Variants in MYO1H observed in about 807,000 individuals in gnomAD.
MYO1H encodes the protein unconventional myosin-Ih.
Under a neutral mutation model 149.3 loss-of-function variants are expected in MYO1H, and 118 were observed. The observed-to-expected ratio is 0.79, with a 90% CI of 0.68 to 0.92. The LOEUF (loss-of-function observed/expected upper bound fraction) is 0.92. MYO1H is among the 40% of genes least tolerant of loss of function. The pLI, the probability that MYO1H is intolerant of heterozygous loss-of-function variation, is 0.00. For missense variants in MYO1H, 1,212 were observed against 1,280.7 expected (o/e 0.95, Z 0.82); for synonymous variants, 447 against 465.2 (o/e 0.96, Z 0.50).
chr12:109,401,056 T>C (rs1241504652), intron 5 of MYO1H, 37 bp from the exon 6 acceptor site: 4 of 1,593,970 alleles, frequency 2.5e-6, no homozygotes, highest in African/African-American at 1.3e-5. Context: ...AGTGGTTTGA[T>C]TGTTGTCACT....
At chr12:109,401,750 C>CT (rs1870171351) in intron 6 of MYO1H, among the ~76,000 whole-genome samples, 1 of 147,008 alleles carries the variant, frequency 6.8e-6, no homozygotes, top group African/African-American at 2.5e-5. Context: ...TTTTTTTTTT[C>CT]TTTTTTTGGG....
At chr12:109,317,440 A>G in the MYO1H span, among the ~76,000 whole-genome samples, 3 of 152,182 alleles carry the variant, frequency 2.0e-5, no homozygotes, top group Admixed American at 6.5e-5. Context: ...CCTAATCTCT[A>G]TTTGATTTCA....
intron 14 of MYO1H, among the ~76,000 whole-genome samples, chr12:109,415,217 C>T (rs545732106): frequency 6.6e-6 from 1 of 152,214 alleles, no homozygotes; most frequent in South Asian, 2.1e-4. Flanking sequence ...TGGCTTAGGC[C>T]TGTAATCCCA....
intron 27 of MYO1H, 123 bp downstream of exon 27, chr12:109,442,395 C>T: frequency 1.3e-6 from 1 of 741,982 alleles, no homozygotes; most frequent in East Asian, 2.6e-5. Context: ...AGCTGGGGCT[C>T]TCAACTGTGA....
chr12:109,350,820 A>C (rs1868448178), intron 1 of MYO1H, among the ~76,000 whole-genome samples: 1 of 152,228 alleles, frequency 6.6e-6, no homozygotes, highest in African/African-American at 2.4e-5. Context: ...TAAAATAATG[A>C]TAGACTCACA....
At chr12:109,321,226 G>C in the MYO1H span, among the ~76,000 whole-genome samples, 1 of 152,114 alleles carries the variant, frequency 6.6e-6, no homozygotes, top group Non-Finnish European at 1.5e-5. Flanking sequence ...GTCTAAACCA[G>C]CCAGGGATTC....
chr12:109,412,294 A>G (rs959737352), intron 14 of MYO1H, among the ~76,000 whole-genome samples: 3 of 152,136 alleles, frequency 2.0e-5, no homozygotes, highest in Admixed American at 6.6e-5. Context: ...AGAAGCCAGG[A>G]CTACAAACAT....
chr12:109,333,489 T>A, the MYO1H span, among the ~76,000 whole-genome samples: 1 of 152,124 alleles, frequency 6.6e-6, no homozygotes, highest in Non-Finnish European at 1.5e-5. Flanking sequence ...TAAGGTTCTT[T>A]CTCTCTCCAT....
At chr12:109,377,208 C>A (rs979577234) in intron 1 of MYO1H, among the ~76,000 whole-genome samples, 1 of 152,146 alleles carries the variant, frequency 6.6e-6, no homozygotes, top group African/African-American at 2.4e-5. Flanking sequence ...TAAAGGAATA[C>A]TTGAGGCTGA....
intron 5 of MYO1H, among the ~76,000 whole-genome samples, chr12:109,398,859 G>A (rs531692647): frequency 2.0e-5 from 3 of 151,900 alleles, no homozygotes; most frequent in South Asian, 4.2e-4. Context: ...AAGTATTTTA[G>A]GCTTTGTGAG....
chr12:109,426,030 C>G, exon 18 of MYO1H: 1 of 1,613,502 alleles, frequency 6.2e-7, no homozygotes, highest in South Asian at 1.1e-5. Context: ...TTGCATCAAG[C>G]CCAACGACAG....
the MYO1H span, among the ~76,000 whole-genome samples, chr12:109,339,198 C>A: frequency 2.0e-5 from 3 of 152,064 alleles, no homozygotes; most frequent in East Asian, 5.8e-4. Context: ...AACACTGTCT[C>A]TACTAAAATT....
rs1052894481 is a variant in MYO1H, at chr12:109,411,753, C to T, written c.1411-141C>T. On this transcript the variant is annotated intron_variant, in intron 13 of 31. Transcript: ENST00000310903. The stretch of plus-strand genomic sequence containing the variant: ...CAAACACATGGATTAAGCCCTTCTT[C>T]CCCCCAGAATGTTCACCTGCACTTA... The T allele has an allele frequency of 1.9e-5, 11 of 569,762 alleles. No individual in the cohort carries two copies. In the Admixed American group the frequency reaches 3.3e-4, roughly 17 times the overall value. The allele number at this position is 569,762 out of a possible 1,614,324, so 35.3% of individuals were successfully genotyped here.
At chr12:109,404,163 T>C in intron 7 of MYO1H, 83 bp downstream of exon 7, 2 of 1,023,936 alleles carry the variant, frequency 2.0e-6, no homozygotes, top group Non-Finnish European at 3.0e-6. Context: ...CAGAATACAG[T>C]GGCCAAATTC....
rs759257931 is a variant in MYO1H at position 109,388,816 on chromosome 12, G to A, written c.146G>A (p.Arg49His). 18 of 1,612,576 alleles carry A rather than the reference G, an allele frequency of 1.1e-5. No individual in the cohort carries two copies. The highest frequency in any genetic ancestry group is 6.7e-5 in the Admixed American group (4 of 59,864). ...GAATCTGCCTTTGTCGACAACCTCC[G>A]CAAGCGTTTCAGCGAGAACCTCATA... is the stretch of plus-strand genomic sequence containing the variant. The change falls in exon 2 of 32, where the codon CGC becomes CAC. Residue 49 changes from arginine (R) to histidine (H), a missense_variant. Transcript: ENST00000310903.
chr12:109,312,795 T>G, the MYO1H span, among the ~76,000 whole-genome samples: 405 of 146,918 alleles, frequency 2.8e-3, 2 homozygotes, highest in Middle Eastern at 0.014. Context: ...GTTTTGTTTT[T>G]TTTTTTTTTA....
intron 22 of MYO1H, among the ~76,000 whole-genome samples, chr12:109,437,374 T>G (rs1464608987): frequency 6.6e-6 from 1 of 152,198 alleles, no homozygotes; most frequent in East Asian, 1.9e-4. Context: ...GTATTTTGGG[T>G]GACATTTTTG....
the MYO1H span, among the ~76,000 whole-genome samples, chr12:109,315,223 GA>G: frequency 2.0e-5 from 3 of 152,270 alleles, no homozygotes; most frequent in South Asian, 6.2e-4. Context: ...ACCAATCAAG[GA>G]AAAGCTGTCT....
At chr12:109,395,774 T>G (rs933125406) in intron 3 of MYO1H, among the ~76,000 whole-genome samples, 1 of 152,120 alleles carries the variant, frequency 6.6e-6, no homozygotes, top group Admixed American at 6.6e-5. Flanking sequence ...CTTTTAGCTC[T>G]TCTACTATTT....
Sources: allele counts gnomAD v4.1 joint callset (sites outside exome capture counted in the v4.1 genomes callset), GRCh38; gene constraint gnomAD v4.1.1; transcripts MANE v1.5; gene names NCBI Gene and HGNC (gene_info 2026-07-23, HGNC 2026-07-21).